Variants in ICA1L observed in about 807,000 individuals in gnomAD.
The protein encoded by ICA1L is islet cell autoantigen 1 like.
ICA1L carries 50 observed loss-of-function variants against 61.3 expected under a neutral mutation model. That is an observed-to-expected ratio of 0.82 (90% CI 0.65 to 1.03). ICA1L has a LOEUF of 1.03. Ranked by LOEUF, ICA1L falls within the 50% of genes least tolerant of loss-of-function variation. The pLI, the probability that ICA1L is intolerant of heterozygous loss-of-function variation, is 0.00. For missense variants in ICA1L, 508 were observed against 556.7 expected (o/e 0.91, Z 0.88); for synonymous variants, 161 against 191.3 (o/e 0.84, Z 1.31).
At chr2:202,869,156 G>C (rs1490859440) in intron 1 of ICA1L, among the ~76,000 whole-genome samples, 1 of 151,866 alleles carries the variant, frequency 6.6e-6, no homozygotes, top group Non-Finnish European at 1.5e-5. Flanking sequence ...TCAGGAGATC[G>C]AGACCATCCT....
rs760382067 is a variant in ICA1L, at chr2:202,814,754, C to T, written c.814G>A (p.Glu272Lys). ...QLQDTPSKISEDNKDEQIGGF... is the reference protein window; with the variant it reads ...QLQDTPSKISKDNKDEQIGGF... ...CCTATTTGTTCATCTTTATTGTCTT[C>T]ACTAATCTTGCTTGGCGTGTCTTGT... is the stretch of plus-strand genomic sequence containing the variant. The change falls in exon 8 of 13, where the codon GAA becomes AAA. Residue 272 changes from glutamate to lysine, a missense_variant. Coordinates refer to ENST00000358299, the MANE Select transcript of ICA1L (RefSeq NM_001288622.3). The T allele has an allele frequency of 6.2e-7, 1 of 1,613,698 alleles. No individual in the cohort carries two copies. Among genetic ancestry groups the T allele is most frequent in the Non-Finnish European group, 8.5e-7 (1 of 1,179,750 alleles).
intron 9 of ICA1L, among the ~76,000 whole-genome samples, chr2:202,808,796 A>G (rs1693297503): frequency 6.6e-6 from 1 of 152,224 alleles, no homozygotes; most frequent in South Asian, 2.1e-4. Context: ...CAATTGTGCA[A>G]GAGCCACAGC....
chr2:202,845,231 A>C (rs1416397378), intron 1 of ICA1L, among the ~76,000 whole-genome samples: 2 of 152,152 alleles, frequency 1.3e-5, no homozygotes, highest in Non-Finnish European at 2.9e-5. Flanking sequence ...AGGTTTCAGG[A>C]ATTAGGACAT....
intron 11 of ICA1L, among the ~76,000 whole-genome samples, chr2:202,787,841 G>A (rs901378099): frequency 6.6e-6 from 1 of 152,220 alleles, no homozygotes; most frequent in Non-Finnish European, 1.5e-5. Flanking sequence ...AAAGCACCAC[G>A]GGAGGAGGGA....
At chr2:202,845,626 TA>T (rs78276440) in intron 1 of ICA1L, among the ~76,000 whole-genome samples, 519 of 139,962 alleles carry the variant, frequency 3.7e-3, no homozygotes, top group African/African-American at 6.1e-3. Context: ...GAATCTGTCT[TA>T]AAAAAAAAAA....
At chr2:202,818,877 T>C (rs762413242) in intron 5 of ICA1L, among the ~76,000 whole-genome samples, 4 of 152,208 alleles carry the variant, frequency 2.6e-5, no homozygotes, top group Non-Finnish European at 5.9e-5. Flanking sequence ...TTTTAAAAAT[T>C]GAGGTGAAAG....
At chr2:202,835,929 CAG>C (rs894782732) in intron 1 of ICA1L, among the ~76,000 whole-genome samples, 14 of 152,256 alleles carry the variant, frequency 9.2e-5, no homozygotes, top group African/African-American at 3.1e-4. Flanking sequence ...GTGGAGTCTT[CAG>C]AGTTTTCTAA....
chr2:202,785,518 G>A (rs1040063343), intron 12 of ICA1L, among the ~76,000 whole-genome samples: 1 of 152,112 alleles, frequency 6.6e-6, no homozygotes, highest in Non-Finnish European at 1.5e-5. Context: ...TGCCTCCCGG[G>A]TTAGAGCAAT....
Position 202,774,271 on chromosome 2 carries a change from C to A in ICA1L, c.*5262G>T. The A allele has an allele frequency of 6.5e-7, 1 of 1,543,924 alleles. No individual in the cohort carries two copies. The highest frequency in any genetic ancestry group is 1.2e-5 in the South Asian group (1 of 83,650). Reference sequence around the variant, plus strand: ...TCCTGTCGGCCAAAGGCCGTGACCCCGACGCGTGCAGGCACCTACGGGCGA... The same window carrying A: ...TCCTGTCGGCCAAAGGCCGTGACCCAGACGCGTGCAGGCACCTACGGGCGA... On this transcript the variant is annotated 3_prime_UTR_variant, in exon 13 of 13. Coordinates refer to ENST00000358299, the MANE Select transcript of ICA1L (RefSeq NM_001288622.3).
chr2:202,806,268 A>G (rs888343390), intron 9 of ICA1L, among the ~76,000 whole-genome samples: 4 of 152,168 alleles, frequency 2.6e-5, no homozygotes, highest in Non-Finnish European at 5.9e-5. Flanking sequence ...CAGCCACAGT[A>G]GGATAGGGGA....
intron 1 of ICA1L, chr2:202,841,603 C>T (rs780198273): frequency 5.6e-5 from 37 of 665,308 alleles, no homozygotes; most frequent in Admixed American, 1.0e-4. Context: ...TGCCACTGGC[C>T]CCACCATAAC....
Position 202,773,899 on chromosome 2 carries a change from G to C in ICA1L, c.*5634C>G. 1 of 1,253,000 alleles carries C rather than the reference G, an allele frequency of 8.0e-7. No individual in the cohort carries two copies. Among genetic ancestry groups the C allele is most frequent in the South Asian group, 1.2e-5 (1 of 81,592 alleles). 77.6% of individuals were successfully genotyped at this position (1,253,000 alleles called of 1,614,324 possible). A position where few individuals can be genotyped will look rare whatever the true frequency, so the allele number is the denominator to read the frequency against. On this transcript the variant is annotated 3_prime_UTR_variant, in exon 13 of 13. Coordinates refer to ENST00000358299, the MANE Select transcript of ICA1L (RefSeq NM_001288622.3). ...AACAGTCCTGCTAAATAAACCAGTG[G>C]AATAAGAACAGTCAACGTAGAAAGA...
intron 9 of ICA1L, among the ~76,000 whole-genome samples, chr2:202,805,986 G>A (rs1693213307): frequency 6.6e-6 from 1 of 152,144 alleles, no homozygotes; most frequent in Admixed American, 6.6e-5. Context: ...GATTACAACG[G>A]TCTCTTACAT....
At chr2:202,840,832 G>A (rs1367087482) in intron 1 of ICA1L, 2 of 619,018 alleles carry the variant, frequency 3.2e-6, no homozygotes, top group East Asian at 7.1e-5. Flanking sequence ...TCTCAGCCTG[G>A]AGCTGGCTGA....
chr2:202,798,715 T>G (rs1413352415), intron 9 of ICA1L, among the ~76,000 whole-genome samples: 1 of 152,182 alleles, frequency 6.6e-6, no homozygotes, highest in African/African-American at 2.4e-5. Context: ...CTTGATACAT[T>G]CCTTCTATTT....
chr2:202,833,085 A>G (rs1239220317), intron 1 of ICA1L, among the ~76,000 whole-genome samples: 1 of 125,862 alleles, frequency 7.9e-6, no homozygotes, highest in Non-Finnish European at 1.9e-5. Context: ...CTATATAGGG[A>G]AAAAAAAAGA....
intron 11 of ICA1L, chr2:202,786,664 A>C: frequency 2.3e-6 from 1 of 437,744 alleles, no homozygotes; most frequent in South Asian, 1.7e-5. Context: ...AAACCTATAA[A>C]TATGCTCATA....
intron 1 of ICA1L, among the ~76,000 whole-genome samples, chr2:202,846,455 C>T (rs1233195300): frequency 2.0e-5 from 3 of 152,026 alleles, no homozygotes; most frequent in African/African-American, 7.2e-5. Context: ...GTCAGGGTCT[C>T]CAGAACTTCT....
chr2:202,774,213 C>T lies in ICA1L; in HGVS notation c.*5320G>A, dbSNP rs1343500457. 6.4e-7 allele frequency: 1 copy of T among 1,550,562 alleles called. No individual in the cohort carries two copies. Among genetic ancestry groups the T allele is most frequent in the Non-Finnish European group, 8.7e-7 (1 of 1,146,566 alleles). On this transcript the variant is annotated 3_prime_UTR_variant, in exon 13 of 13. Coordinates refer to ENST00000358299, the MANE Select transcript of ICA1L (RefSeq NM_001288622.3). ...ACCAGGAACTCCAGCAGCGCCGGAT[C>T]GAAGGCGCGGGGCGGCTCCTGAGTC...
Sources: allele counts gnomAD v4.1 joint callset (sites outside exome capture counted in the v4.1 genomes callset), GRCh38; gene constraint gnomAD v4.1.1; transcripts MANE v1.5; gene names NCBI Gene and HGNC (gene_info 2026-07-23, HGNC 2026-07-21).